ANK3: variants seen among roughly 807,000 people sequenced by gnomAD.
The protein encoded by ANK3 is ankyrin-3.
In ANK3, 57 loss-of-function variants were observed where a neutral mutation model predicts 370.9. The ratio of observed to expected loss-of-function variants is 0.15; its 90% confidence interval spans 0.12 to 0.19. The LOEUF is 0.19. Among genes scored for constraint, ANK3 ranks in the 10% least tolerant of loss-of-function variants. The pLI, the probability that ANK3 is intolerant of heterozygous loss-of-function variation, is 1.00. For synonymous variants in ANK3, 1,929 were observed against 1,946.3 expected (o/e 0.99, Z 0.23); for missense variants, 4,439 against 5,302.1 (o/e 0.84, Z 5.06).
chr10:60,372,661 C>G (rs2060259941), intron 1 of ANK3, among the ~76,000 whole-genome samples: 1 of 152,138 alleles, frequency 6.6e-6, no homozygotes, highest in South Asian at 2.1e-4. Context: ...GAGCTGTTGT[C>G]AAGGAGAGGC....
intron 1 of ANK3, among the ~76,000 whole-genome samples, chr10:60,655,785 G>A (rs1356819395): frequency 6.6e-6 from 1 of 152,118 alleles, no homozygotes; most frequent in African/African-American, 2.4e-5. Flanking sequence ...TTCCAGTCCT[G>A]CAAGCTCCAT....
chr10:60,731,091 A>T (rs879928533), intron 1 of ANK3, among the ~76,000 whole-genome samples: 1 of 152,246 alleles, frequency 6.6e-6, no homozygotes, highest in South Asian at 2.1e-4. Context: ...ATAACTTTAA[A>T]TAAAGAAGTA....
chr10:60,223,075 T>C (rs964739632), intron 8 of ANK3, among the ~76,000 whole-genome samples: 7 of 152,202 alleles, frequency 4.6e-5, no homozygotes, highest in Admixed American at 2.0e-4. Context: ...GACTTTTGGC[T>C]TTCCATATGT....
chr10:60,528,590 A>AG (rs2076532973), intron 2 of ANK3, among the ~76,000 whole-genome samples: 1 of 152,188 alleles, frequency 6.6e-6, no homozygotes, highest in African/African-American at 2.4e-5. Context: ...ATTATTAAAA[A>AG]TTATATGCAT....
At chr10:60,590,195 C>A (rs889436391) in intron 2 of ANK3, among the ~76,000 whole-genome samples, 1 of 152,096 alleles carries the variant, frequency 6.6e-6, no homozygotes, top group Non-Finnish European at 1.5e-5. Context: ...ATATCGTAGC[C>A]ACCAGTCATA....
chr10:60,249,771 TA>T, intron 7 of ANK3, among the ~76,000 whole-genome samples: 1 of 152,302 alleles, frequency 6.6e-6, no homozygotes, highest in South Asian at 2.1e-4. Context: ...CAGTGGCCGA[TA>T]CCCCATCCTC....
At chr10:60,610,981 T>C (rs2078193701) in intron 2 of ANK3, among the ~76,000 whole-genome samples, 1 of 152,228 alleles carries the variant, frequency 6.6e-6, no homozygotes, top group South Asian at 2.1e-4. Flanking sequence ...GAAGCTGGTG[T>C]CAGTTACTTG....
intron 10 of ANK3, among the ~76,000 whole-genome samples, chr10:60,207,562 T>C (rs1380934309): frequency 6.6e-6 from 1 of 152,196 alleles, no homozygotes; most frequent in Non-Finnish European, 1.5e-5. Context: ...AAATTCTGAT[T>C]GGCAAACGGA....
chr10:60,327,162 C>T (rs719602), intron 1 of ANK3, among the ~76,000 whole-genome samples: 1 of 152,256 alleles, frequency 6.6e-6, no homozygotes, highest in Non-Finnish European at 1.5e-5. Flanking sequence ...TCAAGTGTGG[C>T]ATCAATGGAG....
At chr10:60,055,027 TGA>T (rs150675532) in intron 42 of ANK3, among the ~76,000 whole-genome samples, 5,665 of 152,220 alleles carry the variant, frequency 0.037, 145 homozygotes, top group Non-Finnish European at 0.059. Flanking sequence ...TCTATCACAG[TGA>T]GGTTTTAAAG....
At chr10:60,286,636 C>G (rs1261347047) in intron 1 of ANK3, among the ~76,000 whole-genome samples, 1 of 152,114 alleles carries the variant, frequency 6.6e-6, no homozygotes, top group Admixed American at 6.6e-5. Flanking sequence ...TGTGCTTATT[C>G]AGCTTTACTA....
At chr10:60,326,501 C>A (rs114655713) in intron 1 of ANK3, among the ~76,000 whole-genome samples, 1 of 151,966 alleles carries the variant, frequency 6.6e-6, no homozygotes, top group South Asian at 2.1e-4. Flanking sequence ...TTTCATACCA[C>A]GTCTAAATAT....
intron 23 of ANK3, among the ~76,000 whole-genome samples, chr10:60,150,234 C>A (rs750754889): frequency 4.6e-5 from 7 of 152,026 alleles, no homozygotes; most frequent in Non-Finnish European, 7.4e-5. Flanking sequence ...GCGTCTGCAC[C>A]CTTGTCCCCA....
At chr10:60,491,560 G>A (rs2075505473) in intron 2 of ANK3, among the ~76,000 whole-genome samples, 1 of 152,086 alleles carries the variant, frequency 6.6e-6, no homozygotes, top group Non-Finnish European at 1.5e-5. Context: ...ACTGTGTTGA[G>A]GACTAGATGT....
intron 1 of ANK3, among the ~76,000 whole-genome samples, chr10:60,320,392 G>A (rs184895300): frequency 6.5e-4 from 99 of 152,264 alleles, no homozygotes; most frequent in African/African-American, 2.3e-3. Flanking sequence ...CCAGGAGTTG[G>A]AGATCTGCCT....
intron 2 of ANK3, among the ~76,000 whole-genome samples, chr10:60,467,800 C>T (rs1302670403): frequency 6.6e-6 from 1 of 151,912 alleles, no homozygotes; most frequent in Non-Finnish European, 1.5e-5. Flanking sequence ...AGCAAACAAA[C>T]TCGATTTATT....
At chr10:60,366,407 A>G (rs914785847) in intron 1 of ANK3, among the ~76,000 whole-genome samples, 16 of 152,246 alleles carry the variant, frequency 1.1e-4, no homozygotes, top group Non-Finnish European at 1.9e-4. Flanking sequence ...CTCTGTTTTT[A>G]CCTTAGTGAT....
At chr10:60,697,458 C>A (rs1208630935) in intron 1 of ANK3, among the ~76,000 whole-genome samples, 4 of 150,660 alleles carry the variant, frequency 2.7e-5, no homozygotes, top group Non-Finnish European at 3.0e-5. Flanking sequence ...CAATCCTAAG[C>A]CAAAAGAACA....
intron 2 of ANK3, among the ~76,000 whole-genome samples, chr10:60,416,421 G>A (rs2063669840): frequency 6.6e-6 from 1 of 152,222 alleles, no homozygotes; most frequent in Non-Finnish European, 1.5e-5. Flanking sequence ...GGTGCACTGT[G>A]TGGTGTGTTT....
Sources: allele counts gnomAD v4.1 joint callset (sites outside exome capture counted in the v4.1 genomes callset), GRCh38; gene constraint gnomAD v4.1.1; transcripts MANE v1.5; gene names NCBI Gene and HGNC (gene_info 2026-07-23, HGNC 2026-07-21).